The following BTBD1 variants were observed in gnomAD, a reference collection of about 807,000 sequenced individuals.
BTBD1 encodes BTB/POZ domain-containing protein 1.
Under a neutral mutation model 48.0 loss-of-function variants are expected in BTBD1, and 34 were observed. The observed-to-expected ratio is 0.71, with a 90% CI of 0.54 to 0.94. The LOEUF (loss-of-function observed/expected upper bound fraction) is 0.94, where lower values mean the gene tolerates loss of function less well. Ranked by LOEUF, BTBD1 falls within the 40% of genes least tolerant of loss-of-function variation. The pLI is 0.00. For missense variants in BTBD1, 543 were observed against 625.6 expected (o/e 0.87, Z 1.41); for synonymous variants, 261 against 242.1 (o/e 1.08, Z -0.72).
At position 83,018,138 on chromosome 15, in the gene BTBD1, TA is replaced by T. The variant is rs1567100148; in HGVS notation, c.1377del (p.Phe459LeufsTer12). On this transcript the variant is annotated frameshift_variant, in exon 8 of 8. Coordinates refer to ENST00000261721, the MANE Select transcript of BTBD1 (RefSeq NM_025238.4). LOFTEE classifies it high-confidence loss of function. ...GTGCCATTATTATTGCCAGGGGAACTAAAAAAGAAAAAAACAGTCTTGCTTG... is the reference window on the plus strand; with the variant it reads ...GTGCCATTATTATTGCCAGGGGAACTAAAAAGAAAAAAACAGTCTTGCTTG... ...PAASKTVFFF[F>X]SSPGNNNGTS... is the part of the protein sequence containing the mutation. 6.2e-7 allele frequency: 1 copy of T among 1,612,312 alleles called. No individual in the cohort carries two copies. Among genetic ancestry groups the T allele is most frequent in the Non-Finnish European group, 8.5e-7 (1 of 1,179,134 alleles).
chr15:83,044,390 G>A (rs1385661922), intron 3 of BTBD1: 3 of 1,551,202 alleles, frequency 1.9e-6, no homozygotes, highest in Non-Finnish European at 2.6e-6. Flanking sequence ...CAGCAGCTGG[G>A]AGGAAGATGG....
chr15:83,031,728 G>A (rs1567104850), intron 4 of BTBD1, among the ~76,000 whole-genome samples: 1 of 151,884 alleles, frequency 6.6e-6, no homozygotes, highest in Non-Finnish European at 1.5e-5. Flanking sequence ...GTATACGTAT[G>A]TAACAAACCT....
intron 1 of BTBD1, among the ~76,000 whole-genome samples, chr15:83,057,749 G>C (rs188760394): frequency 7.9e-5 from 12 of 152,272 alleles, no homozygotes; most frequent in Admixed American, 7.9e-4. Context: ...TGTTTCTCTT[G>C]GTCTCTGTCA....
At chr15:83,059,556 C>CAAA in intron 1 of BTBD1, among the ~76,000 whole-genome samples, 1 of 152,262 alleles carries the variant, frequency 6.6e-6, no homozygotes, top group Non-Finnish European at 1.5e-5. Context: ...AAAACAACAA[C>CAAA]AACAACAACA....
At position 83,067,141 on chromosome 15, in the gene BTBD1, A is replaced by G; in HGVS notation, c.11T>C (p.Leu4Pro). The G allele has an allele frequency of 3.5e-6, 5 of 1,435,086 alleles. No homozygotes were observed. The highest frequency in any genetic ancestry group is 4.5e-6 in the Non-Finnish European group (5 of 1,101,650). The allele number at this position is 1,435,086 out of a possible 1,614,324, so 88.9% of individuals were successfully genotyped here. A position where few individuals can be genotyped will look rare whatever the true frequency, so the allele number is the denominator to read the frequency against. Residue 4 changes from leucine (L) to proline (P), a missense_variant, in exon 1 of 8, where the codon CTC becomes CCC. Leu to Pro is a moderately conservative substitution (Grantham distance 98). Around this residue, in one of 3 missense-constraint regions of BTBD1, gnomAD observed 173 missense variants for 163.9 expected, o/e 1.06. Coordinates refer to ENST00000261721, the MANE Select transcript of BTBD1 (RefSeq NM_025238.4). ...CTGCTCCCCAGCTGCGGCAGGCCCG[A>G]GTGAGGCCATCCTCCAGCTGCGCGG... MAS[L>P]GPAAAGEQAS...
At chr15:83,024,717 T>C (rs1596423281) in intron 5 of BTBD1, among the ~76,000 whole-genome samples, 1 of 152,080 alleles carries the variant, frequency 6.6e-6, no homozygotes, top group Non-Finnish European at 1.5e-5. Context: ...ACAGCCTCCT[T>C]CCTCAGCCTC....
intron 2 of BTBD1, among the ~76,000 whole-genome samples, chr15:83,055,821 T>C (rs900852192): frequency 3.3e-5 from 5 of 152,158 alleles, no homozygotes. Context: ...GTAGAAACAA[T>C]ACTGGATCTC....
intron 4 of BTBD1, among the ~76,000 whole-genome samples, chr15:83,031,104 C>CA: frequency 6.6e-6 from 1 of 152,340 alleles, no homozygotes; most frequent in East Asian, 1.9e-4. Context: ...AATCGCCACA[C>CA]TATCTTCCAC....
At chr15:83,054,856 G>A (rs555913610) in intron 2 of BTBD1, among the ~76,000 whole-genome samples, 6 of 152,004 alleles carry the variant, frequency 3.9e-5, no homozygotes, top group South Asian at 4.2e-4. Flanking sequence ...CACCGCGCCC[G>A]GCTGGTACCA....
At chr15:83,039,777 CAAAA>C (rs34059984) in intron 4 of BTBD1, among the ~76,000 whole-genome samples, 2 of 97,498 alleles carry the variant, frequency 2.1e-5, no homozygotes, top group African/African-American at 3.8e-5. Flanking sequence ...GGCTCTGTCT[CAAAA>C]AAAAAAAAAA....
At chr15:83,025,555 T>TCCTACTACTTAATAAAC (rs1220970519) in intron 5 of BTBD1, among the ~76,000 whole-genome samples, 1 of 151,994 alleles carries the variant, frequency 6.6e-6, no homozygotes, top group Non-Finnish European at 1.5e-5. Flanking sequence ...CTGGGTTTAA[T>TCCTACTACTTAATAAAC]CCTACTACTT....
intron 3 of BTBD1, 110 bp from the exon 4 acceptor site, chr15:83,042,035 T>C: frequency 1.2e-6 from 1 of 827,942 alleles, no homozygotes; most frequent in South Asian, 1.7e-5. Context: ...AAAAAATAGG[T>C]TAGACACTTA....
intron 5 of BTBD1, 191 bp downstream of exon 5, chr15:83,029,945 C>G: frequency 1.6e-6 from 1 of 631,350 alleles, no homozygotes; most frequent in South Asian, 2.0e-5. Flanking sequence ...AGAAGTCACC[C>G]TCACTCATAA....
chr15:83,047,869 T>C (rs1230637166), intron 3 of BTBD1, among the ~76,000 whole-genome samples: 1 of 152,188 alleles, frequency 6.6e-6, no homozygotes, highest in Non-Finnish European at 1.5e-5. Context: ...TGAGCTTTTA[T>C]AAGGAATTTA....
At chr15:83,048,154 C>T (rs1446418468) in intron 3 of BTBD1, among the ~76,000 whole-genome samples, 1 of 152,078 alleles carries the variant, frequency 6.6e-6, no homozygotes, top group Non-Finnish European at 1.5e-5. Context: ...GATAAGACTG[C>T]ATGTGGGGTA....
intron 6 of BTBD1, among the ~76,000 whole-genome samples, chr15:83,019,447 T>C (rs1759776244): frequency 6.6e-6 from 1 of 151,462 alleles, no homozygotes; most frequent in African/African-American, 2.4e-5. Flanking sequence ...CACATCGGCC[T>C]CCCAAAGTAC....
In BTBD1 at chr15:83,056,395, A is replaced by T. The variant is rs779275843; in HGVS notation, c.552T>A (p.Leu184=). The part of the protein sequence containing the change: ...HLRADNAFML[L]TQARLFDEPQ... ...CTTAGCTACATTTACTTACCTGAGT[A>T]AGTAACATAAAGGCATTATCTGCCC... Residue 184 remains leucine (L), a synonymous_variant, in exon 2 of 8, where the codon CTT becomes CTA. Coordinates refer to ENST00000261721, the MANE Select transcript of BTBD1 (RefSeq NM_025238.4). The T allele has an allele frequency of 1.1e-5, 17 of 1,612,190 alleles. No individual in the cohort carries two copies. Among genetic ancestry groups the T allele is most frequent in the Non-Finnish European group, 1.4e-5 (17 of 1,178,326 alleles).
intron 1 of BTBD1, among the ~76,000 whole-genome samples, chr15:83,059,617 T>C (rs2033145338): frequency 6.6e-6 from 1 of 152,236 alleles, no homozygotes. Flanking sequence ...CAGGGTCTCA[T>C]TGTCACTCCG....
intron 4 of BTBD1, among the ~76,000 whole-genome samples, chr15:83,037,209 C>T (rs962247929): frequency 2.0e-5 from 3 of 151,680 alleles, no homozygotes; most frequent in African/African-American, 7.3e-5. Flanking sequence ...AACAGAACAA[C>T]AAAAGACATG....
Sources: allele counts gnomAD v4.1 joint callset (sites outside exome capture counted in the v4.1 genomes callset), GRCh38; gene constraint gnomAD v4.1.1; regional missense constraint gnomAD v4.1.1; transcripts MANE v1.5; gene names NCBI Gene and HGNC (gene_info 2026-07-23, HGNC 2026-07-21).